The following WNT3 variants were observed in gnomAD, a reference collection of about 807,000 sequenced individuals.
WNT3 encodes the protein proto-oncogene Wnt-3.
Under a neutral mutation model 34.2 loss-of-function variants are expected in WNT3, and 7 were observed. The observed-to-expected ratio is 0.20, with a 90% CI of 0.12 to 0.38. The LOEUF (loss-of-function observed/expected upper bound fraction) is 0.38, where lower values mean the gene tolerates loss of function less well. Ranked by LOEUF, WNT3 falls within the 10% of genes least tolerant of loss-of-function variation. The pLI, the probability that WNT3 is intolerant of heterozygous loss-of-function variation, is 1.00. For missense variants in WNT3, 267 were observed against 499.8 expected, an observed-to-expected ratio of 0.53 and a Z score of 4.44; for synonymous variants, 212 against 211.5, an observed-to-expected ratio of 1.00 and a Z score of -0.02.
chr17:46,809,419 A>G (rs1206154403), intron 1 of WNT3, among the ~76,000 whole-genome samples: 1 of 152,174 alleles, frequency 6.6e-6, no homozygotes, highest in Non-Finnish European at 1.5e-5. Flanking sequence ...TTTCCCAGAA[A>G]GGTCTTCCAG....
intron 2 of WNT3, among the ~76,000 whole-genome samples, chr17:46,771,694 G>GGCCGGGCCGCGCCCCCGGCCCCGGC (rs1300733626): frequency 1.4e-5 from 2 of 142,718 alleles, no homozygotes; most frequent in African/African-American, 2.5e-5. Context: ...CGGCTCCCGC[G>GGCCGGGCCGCGCCCCCGGCCCCGGC]GCCGGGCCGC....
chr17:46,771,426 T>A (rs2059368435), intron 2 of WNT3, among the ~76,000 whole-genome samples: 4 of 150,812 alleles, frequency 2.7e-5, no homozygotes, highest in Non-Finnish European at 4.4e-5. Context: ...CCGGCCGGCC[T>A]GCGGCCTCTC....
intron 1 of WNT3, among the ~76,000 whole-genome samples, chr17:46,788,837 A>G (rs1301093633): frequency 2.0e-5 from 3 of 152,088 alleles, no homozygotes; most frequent in Non-Finnish European, 4.4e-5. Flanking sequence ...CAGATCCCAC[A>G]GGCTGTCTCC....
chr17:46,798,895 A>G (rs1256090126), intron 1 of WNT3, among the ~76,000 whole-genome samples: 1 of 151,972 alleles, frequency 6.6e-6, no homozygotes, highest in African/African-American at 2.4e-5. Flanking sequence ...TAAAAATACA[A>G]AAATTGGCCA....
At chr17:46,774,220 G>A (rs1233932107) in intron 1 of WNT3, among the ~76,000 whole-genome samples, 4 of 152,252 alleles carry the variant, frequency 2.6e-5, no homozygotes, top group Non-Finnish European at 5.9e-5. Flanking sequence ...GGTATTTGGG[G>A]CCCAGATCCA....
chr17:46,767,783 G>T (rs566461429), intron 4 of WNT3, among the ~76,000 whole-genome samples: 299 of 150,404 alleles, frequency 2.0e-3, no homozygotes, highest in African/African-American at 3.9e-3. Flanking sequence ...GTTTTTTTTT[G>T]TTTGTTTGTT....
At chr17:46,802,228 C>A (rs1033432238) in intron 1 of WNT3, among the ~76,000 whole-genome samples, 2 of 152,102 alleles carry the variant, frequency 1.3e-5, no homozygotes. Context: ...TTGGTTACCC[C>A]AAAAGACCCA....
chr17:46,807,745 G>A (rs552661253), intron 1 of WNT3, among the ~76,000 whole-genome samples: 7 of 152,256 alleles, frequency 4.6e-5, no homozygotes, highest in Admixed American at 3.9e-4. Flanking sequence ...GGCTGATGAC[G>A]GAAAACACAT....
At chr17:46,780,565 G>A (rs1159336577) in intron 1 of WNT3, among the ~76,000 whole-genome samples, 2 of 152,168 alleles carry the variant, frequency 1.3e-5, no homozygotes, top group Non-Finnish European at 2.9e-5. Context: ...GAGGCGGGAG[G>A]ATCACGAGGT....
chr17:46,779,758 AC>A lies in WNT3; in HGVS notation c.81-5850del, dbSNP rs1172406583. On this transcript the variant is annotated intron_variant, in intron 1 of 4. Transcript: ENST00000225512. Reference sequence around the variant, plus strand: ...GCATGGTGAGCACAAGGCAGAGAGGACCTTTTTTTTTCTTTTTTTGAGACAG... The same window carrying A: ...GCATGGTGAGCACAAGGCAGAGAGGACTTTTTTTTTCTTTTTTTGAGACAG... Among the ~76,000 whole-genome samples, 19 of 43,886 alleles carry A rather than the reference AC, an allele frequency of 4.3e-4. 1 individual carries two copies. The highest frequency in any genetic ancestry group is 3.9e-3 in the Admixed American group (19 of 4,874). The allele number at this position is 43,886 out of a possible 152,430, so 28.8% of individuals were successfully genotyped here.
chr17:46,791,627 C>A lies in WNT3; in HGVS notation c.81-17718G>T, dbSNP rs542424892. ...CTGTCACTCCACCAGGCCAGGCATGCCCTGGTAAGGGTGCTGGGGCACAGG... is the reference window on the plus strand; with the variant it reads ...CTGTCACTCCACCAGGCCAGGCATGACCTGGTAAGGGTGCTGGGGCACAGG... On this transcript the variant is annotated intron_variant, in intron 1 of 4. Transcript: ENST00000225512. 7.9e-5 allele frequency among the ~76,000 whole-genome samples: 12 copies of A among 152,352 alleles called. No homozygotes were observed. In the East Asian group the frequency reaches 2.3e-3, roughly 29 times the overall value.
Position 46,768,245 on chromosome 17 carries a change from G to A in WNT3, c.*8+67C>T. ...CAGAAGGGGGTCGTCAAGAAGACGA[G>A]ATGGGCAAACAACCCCATTCCCTGC... is the stretch of plus-strand genomic sequence containing the variant. On this transcript the variant is annotated intron_variant, in intron 4 of 4. Coordinates refer to ENST00000225512, the MANE Select transcript of WNT3 (RefSeq NM_030753.5). This position sits in a 1 kb window ranked among gnomAD's most constrained non-coding sequence, Gnocchi z 5.0. The A allele has an allele frequency of 1.2e-6, 2 of 1,604,370 alleles. No individual in the cohort carries two copies. The highest frequency in any genetic ancestry group is 2.2e-5 in the South Asian group (2 of 90,628).
rs1031336173 is a variant in WNT3 at position 46,803,617 on chromosome 17, T to A, written c.80+14901A>T. ...CCACCTAGAGGGCTAGGTTACCTGATAAAGTTCACGCTAGACAATGGTGAC... is the reference window on the plus strand; with the variant it reads ...CCACCTAGAGGGCTAGGTTACCTGAAAAAGTTCACGCTAGACAATGGTGAC... On this transcript the variant is annotated intron_variant, in intron 1 of 4. Transcript: ENST00000225512. Among the ~76,000 whole-genome samples the A allele has an allele frequency of 2.2e-4, 33 of 152,214 alleles. 1 individual carries two copies. Among genetic ancestry groups the A allele is most frequent in the African/African-American group, 8.0e-4 (33 of 41,466 alleles).
At chr17:46,791,940 T>A (rs896281040) in intron 1 of WNT3, among the ~76,000 whole-genome samples, 2 of 152,128 alleles carry the variant, frequency 1.3e-5, no homozygotes, top group Non-Finnish European at 2.9e-5. Flanking sequence ...CTGGGGAGAC[T>A]GAGGCGGGAG....
At chr17:46,797,688 T>A (rs2084072510) in intron 1 of WNT3, among the ~76,000 whole-genome samples, 1 of 152,166 alleles carries the variant, frequency 6.6e-6, no homozygotes, top group South Asian at 2.1e-4. Flanking sequence ...CACAGCGAGA[T>A]GCACATCCAT....
chr17:46,772,176 C>T (rs1450832838), intron 2 of WNT3, among the ~76,000 whole-genome samples: 1 of 152,158 alleles, frequency 6.6e-6, no homozygotes, highest in Non-Finnish European at 1.5e-5. Flanking sequence ...GACCGGGGCG[C>T]GTATGCGCTC....
chr17:46,803,001 A>G (rs1027895393), intron 1 of WNT3, among the ~76,000 whole-genome samples: 12 of 152,158 alleles, frequency 7.9e-5, no homozygotes, highest in African/African-American at 2.9e-4. Flanking sequence ...TGGGATTGCT[A>G]CTGGAAGTGG....
At chr17:46,779,082 C>CACAG (rs2059436452) in intron 1 of WNT3, among the ~76,000 whole-genome samples, 2 of 147,116 alleles carry the variant, frequency 1.4e-5, no homozygotes, top group Non-Finnish European at 3.0e-5. Context: ...CACACACACA[C>CACAG]ACACACACAC....
At chr17:46,802,193 C>T (rs1362757370) in intron 1 of WNT3, among the ~76,000 whole-genome samples, 1 of 152,188 alleles carries the variant, frequency 6.6e-6, no homozygotes, top group Non-Finnish European at 1.5e-5. Flanking sequence ...GAGCTGGCAG[C>T]CCCTAGGCAG....
Sources: gnomAD v4.1 joint callset for allele counts (sites outside exome capture counted in the v4.1 genomes callset) on GRCh38, gnomAD v4.1.1 for gene constraint, Gnocchi (gnomAD v3.1) non-coding constraint, MANE v1.5 for transcripts, NCBI Gene and HGNC (gene_info 2026-07-23, HGNC 2026-07-21) for gene names.